Variants in FHOD3 observed in about 807,000 individuals in gnomAD.
The protein encoded by FHOD3 is FH1/FH2 domain-containing protein 3.
In FHOD3, 90 loss-of-function variants were observed where a neutral mutation model predicts 173.0. That is an observed-to-expected ratio of 0.52 (90% CI 0.44 to 0.62). FHOD3 has a LOEUF of 0.62. FHOD3 is among the 20% of genes least tolerant of loss of function. The probability of loss-of-function intolerance (pLI) is 0.00; values close to 1 mark genes in which losing one functional copy is unlikely to be tolerated. For missense variants in FHOD3, 1,945 were observed against 2,034.7 expected (o/e 0.96, Z 0.85); for synonymous variants, 828 against 823.0 (o/e 1.01, Z -0.10).
intron 3 of FHOD3, among the ~76,000 whole-genome samples, chr18:36,462,878 G>T (rs1040423686): frequency 6.6e-6 from 1 of 152,134 alleles, no homozygotes; most frequent in African/African-American, 2.4e-5. Flanking sequence ...TGACTGCCTT[G>T]ACCTCCCAAA....
chr18:36,380,890 C>G (rs2047748967), intron 3 of FHOD3, among the ~76,000 whole-genome samples: 1 of 152,052 alleles, frequency 6.6e-6, no homozygotes, highest in South Asian at 2.1e-4. Context: ...GTTCAAGAGC[C>G]CTTGCCACCC....
At chr18:36,379,772 C>G (rs9955472) in intron 3 of FHOD3, among the ~76,000 whole-genome samples, 7,022 of 152,312 alleles carry the variant, frequency 0.046, 548 homozygotes, top group African/African-American at 0.16. Context: ...TGGCCTGCTT[C>G]TGGGGTGTGA....
intron 5 of FHOD3, among the ~76,000 whole-genome samples, chr18:36,534,174 G>A (rs2056897568): frequency 6.6e-6 from 1 of 152,196 alleles, no homozygotes; most frequent in Non-Finnish European, 1.5e-5. Context: ...AAGCCCTTCA[G>A]GTGCCTGAAA....
rs780177528 is a variant in FHOD3, at chr18:36,612,022, C to T, written c.884C>T (p.Ala295Val). Residue 295 changes from alanine (A) to valine (V), a missense_variant, in exon 9 of 29, where the codon GCT becomes GTT. By Grantham distance (64) the Ala-to-Val change is moderately conservative (BLOSUM62 0). Transcript: ENST00000590592. ...GACTGCCTGGAGGAGCTGGGCATTGCTGCTGTGTCCCAGAGGCACTTGAAC... is the reference window on the plus strand; with the variant it reads ...GACTGCCTGGAGGAGCTGGGCATTGTTGCTGTGTCCCAGAGGCACTTGAAC... ...VVDCLEELGI[A>V]AVSQRHLNKK... is the part of the protein sequence containing the mutation. 3 of 1,614,180 alleles carry T rather than the reference C, an allele frequency of 1.9e-6. No homozygotes were observed. In the Admixed American group the frequency reaches 5.0e-5, roughly 27 times the overall value.
chr18:36,334,391 T>G (rs1266347037), intron 1 of FHOD3, among the ~76,000 whole-genome samples: 1 of 152,226 alleles, frequency 6.6e-6, no homozygotes, highest in Non-Finnish European at 1.5e-5. Flanking sequence ...CTCACTTTTG[T>G]TCTAGGAGGA....
rs115746033 is a variant in FHOD3 at position 36,507,100 on chromosome 18, G to T, written c.405+5101G>T. On this transcript the variant is annotated intron_variant, in intron 4 of 28. Transcript: ENST00000590592. ...TTTCATTGTATAAATGGCATGTCAT[G>T]TTTTTTTCCTGTTAAGTACTTATTT... Among the ~76,000 whole-genome samples, 1,478 of 152,286 alleles carry T rather than the reference G, an allele frequency of 9.7e-3. 20 individuals carry two copies. Among genetic ancestry groups the T allele is most frequent in the African/African-American group, 0.033 (1,390 of 41,560 alleles).
intron 3 of FHOD3, among the ~76,000 whole-genome samples, chr18:36,397,376 A>G (rs2048602870): frequency 6.6e-6 from 1 of 152,134 alleles, no homozygotes; most frequent in Non-Finnish European, 1.5e-5. Flanking sequence ...TAGTGTTTGT[A>G]GAAATTGTTT....
chr18:36,437,065 A>G (rs1030544471), intron 3 of FHOD3, among the ~76,000 whole-genome samples: 2 of 152,204 alleles, frequency 1.3e-5, no homozygotes, highest in African/African-American at 4.8e-5. Context: ...AACTTTGAAT[A>G]TTGGTATATG....
intron 5 of FHOD3, among the ~76,000 whole-genome samples, chr18:36,553,932 A>G (rs1178352149): frequency 2.6e-5 from 4 of 152,230 alleles, no homozygotes. Context: ...CAAAACCACA[A>G]CAAGATACCA....
intron 3 of FHOD3, among the ~76,000 whole-genome samples, chr18:36,408,259 T>C (rs1199109506): frequency 6.6e-6 from 1 of 152,230 alleles, no homozygotes; most frequent in African/African-American, 2.4e-5. Flanking sequence ...GTGATATTAA[T>C]GTGGAATCTT....
chr18:36,470,144 C>T (rs530662489), intron 3 of FHOD3, among the ~76,000 whole-genome samples: 5 of 152,252 alleles, frequency 3.3e-5, no homozygotes, highest in African/African-American at 9.6e-5. Context: ...TGGAGCAGGT[C>T]CTAGGAACGT....
intron 5 of FHOD3, among the ~76,000 whole-genome samples, chr18:36,529,584 T>C (rs576320551): frequency 2.6e-5 from 4 of 152,192 alleles, no homozygotes; most frequent in Admixed American, 2.6e-4. Context: ...TTTGGGAGGC[T>C]GAGGCGGGTG....
At chr18:36,413,521 G>A (rs1335019412) in intron 3 of FHOD3, among the ~76,000 whole-genome samples, 1 of 152,194 alleles carries the variant, frequency 6.6e-6, no homozygotes, top group Non-Finnish European at 1.5e-5. Context: ...GACCATGTCT[G>A]CTTTCCTTGT....
chr18:36,706,838 C>T (rs1408470762), intron 17 of FHOD3, among the ~76,000 whole-genome samples: 2 of 152,114 alleles, frequency 1.3e-5, no homozygotes, highest in Non-Finnish European at 2.9e-5. Context: ...CTGTTGGAAA[C>T]ACATTTTTGT....
At chr18:36,385,555 C>T (rs1002018046) in intron 3 of FHOD3, among the ~76,000 whole-genome samples, 1 of 152,124 alleles carries the variant, frequency 6.6e-6, no homozygotes, top group African/African-American at 2.4e-5. Context: ...CACCACCATG[C>T]CTGGCTAATT....
At chr18:36,534,634 A>G (rs1039808515) in intron 5 of FHOD3, among the ~76,000 whole-genome samples, 9 of 152,054 alleles carry the variant, frequency 5.9e-5, no homozygotes, top group Non-Finnish European at 1.0e-4. Flanking sequence ...GTGGGATTTT[A>G]TAAGGGTAGC....
intron 3 of FHOD3, among the ~76,000 whole-genome samples, chr18:36,377,989 C>T (rs2047532309): frequency 6.6e-6 from 1 of 152,238 alleles, no homozygotes; most frequent in African/African-American, 2.4e-5. Context: ...TGCCCTGTCC[C>T]TGGACATCAT....
chr18:36,549,775 C>A (rs183737854), intron 5 of FHOD3, among the ~76,000 whole-genome samples: 1 of 149,998 alleles, frequency 6.7e-6, no homozygotes, highest in Non-Finnish European at 1.5e-5. Context: ...GTCTCGATCT[C>A]CTGACCTCAT....
rs199885700 is a variant in FHOD3, at chr18:36,658,130, A to C, written c.1777A>C (p.Ser593Arg). 6.3e-7 allele frequency: 1 copy of C among 1,598,028 alleles called. No individual in the cohort carries two copies. The highest frequency in any genetic ancestry group is 8.5e-7 in the Non-Finnish European group (1 of 1,173,916). ...CTCCTCAAGACCCTCATCTGGATCC[A>C]GTGTGCCCACCACCCCCACATCATC... ...YHSSRPSSGS[S>R]VPTTPTSSVS... is the part of the protein sequence containing the mutation. The change falls in exon 14 of 29, where the codon AGT becomes CGT. Residue 593 changes from serine to arginine, a missense_variant. Ser to Arg is a moderately radical substitution (Grantham distance 110). Around this residue, in one of 5 missense-constraint regions of FHOD3, gnomAD observed 1,099 missense variants for 1,051.2 expected, o/e 1.05. Coordinates refer to ENST00000590592, the MANE Select transcript of FHOD3 (RefSeq NM_001281740.3).
Sources: allele counts gnomAD v4.1 joint callset (sites outside exome capture counted in the v4.1 genomes callset), GRCh38; gene constraint gnomAD v4.1.1; regional missense constraint gnomAD v4.1.1; transcripts MANE v1.5; gene names NCBI Gene and HGNC (gene_info 2026-07-23, HGNC 2026-07-21).